Variants in DUSP12 observed in about 807,000 individuals in gnomAD.
DUSP12 encodes the protein dual specificity protein phosphatase 12.
In DUSP12, 25 loss-of-function variants were observed where a neutral mutation model predicts 38.9. The observed-to-expected ratio is 0.64, with a 90% CI of 0.47 to 0.90. The LOEUF (loss-of-function observed/expected upper bound fraction) is 0.90, where lower values mean the gene tolerates loss of function less well. Among genes scored for constraint, DUSP12 ranks in the 40% least tolerant of loss-of-function variants. DUSP12 has a pLI of 0.00. For missense variants in DUSP12, 403 were observed against 427.0 expected (o/e 0.94, Z 0.50); for synonymous variants, 153 against 153.9 (o/e 0.99, Z 0.05).
intron 2 of DUSP12, 41 bp downstream of exon 2, chr1:161,751,822 A>G (rs764552795): frequency 1.9e-6 from 3 of 1,600,934 alleles, no homozygotes; most frequent in African/African-American, 2.7e-5. Flanking sequence ...CTTTTGTGAT[A>G]TAATTTTAAG....
At chr1:161,751,623 T>C (rs769341925) in intron 1 of DUSP12, 45 bp from the exon 2 acceptor site, 2 of 1,566,898 alleles carry the variant, frequency 1.3e-6, no homozygotes, top group East Asian at 2.2e-5. Context: ...TTTTTTTTTT[T>C]AATTGTTGCT....
At chr1:161,756,276 T>C (rs1274003091) in intron 5 of DUSP12, among the ~76,000 whole-genome samples, 1 of 152,098 alleles carries the variant, frequency 6.6e-6, no homozygotes, top group Non-Finnish European at 1.5e-5. Flanking sequence ...CTAACTACAT[T>C]AGAAGAAAAT....
chr1:161,750,192 C>T, intron 1 of DUSP12, 47 bp downstream of exon 1: 2 of 1,572,054 alleles, frequency 1.3e-6, no homozygotes, highest in Non-Finnish European at 1.7e-6. Context: ...AGCTTCCAGC[C>T]GGCCCCCGTC....
At chr1:161,751,565 T>TA in intron 1 of DUSP12, 103 bp from the exon 2 acceptor site, 1 of 1,399,042 alleles carries the variant, frequency 7.1e-7, no homozygotes, top group East Asian at 2.3e-5. Flanking sequence ...GAAGCAAAAA[T>TA]GAAGTGGGCC....
chr1:161,754,817 C>A (rs956235599), intron 5 of DUSP12, among the ~76,000 whole-genome samples: 2 of 152,080 alleles, frequency 1.3e-5, no homozygotes, highest in African/African-American at 4.8e-5. Flanking sequence ...CATCACAATT[C>A]ACATTCCCAC....
intron 1 of DUSP12, chr1:161,751,282 G>C (rs985860316): frequency 3.7e-5 from 6 of 164,198 alleles, no homozygotes; most frequent in African/African-American, 1.4e-4. Context: ...TTTTGTAGAG[G>C]TGGGGTCTCA....
chr1:161,750,325 G>A (rs1005619397), intron 1 of DUSP12, among the ~76,000 whole-genome samples, 180 bp downstream of exon 1: 1 of 152,252 alleles, frequency 6.6e-6, no homozygotes, highest in Non-Finnish European at 1.5e-5. Context: ...CGGGCCCCTG[G>A]TGTGTGCAGG....
chr1:161,753,403 A>G lies in DUSP12; in HGVS notation c.861+142A>G, dbSNP rs1027871943. The G allele has an allele frequency of 4.6e-6, 3 of 658,048 alleles. No homozygotes were observed. The East Asian group carries it at 1.0e-4, about 22-fold the overall frequency. 40.8% of individuals were successfully genotyped at this position (658,048 alleles called of 1,614,324 possible). On this transcript the variant is annotated intron_variant, in intron 5 of 5. Transcript: ENST00000367943. ...TGAAGATTATATCTTTCTAGTGTAG[A>G]TAAGACTATCAAAAATAAAATATTT... is the stretch of plus-strand genomic sequence containing the variant.
intron 1 of DUSP12, chr1:161,751,165 AGC>A (rs1684012882): frequency 6.5e-6 from 1 of 154,282 alleles, no homozygotes. Context: ...ACAGTGTAGT[AGC>A]GTAATTACGG....
rs1684122778 is a variant in DUSP12, at chr1:161,757,122, C to T, written c.*175C>T. 7 of 534,718 alleles carry T rather than the reference C, an allele frequency of 1.3e-5. No individual in the cohort carries two copies. The highest frequency in any genetic ancestry group is 2.2e-5 in the Non-Finnish European group (7 of 311,950). The allele number at this position is 534,718 out of a possible 1,614,324, so 33.1% of individuals were successfully genotyped here. On this transcript the variant is annotated 3_prime_UTR_variant, in exon 6 of 6. Transcript: ENST00000367943. ...TACATGGCAATCAAAGCCTTTTGATCATGTACATTTTATTTGATATTAAAA... is the reference window on the plus strand; with the variant it reads ...TACATGGCAATCAAAGCCTTTTGATTATGTACATTTTATTTGATATTAAAA...
rs762862670 is a variant in DUSP12, at chr1:161,749,818, G to T, written c.17G>T (p.Gly6Val). The change falls in exon 1 of 6, where the codon GGC becomes GTC. Residue 6 changes from glycine to valine, a missense_variant. By Grantham distance (109) the Gly-to-Val change is moderately radical. Transcript: ENST00000367943. Reference protein sequence around the residue: MLEAPGPSDGCELSNP... With the variant: MLEAPVPSDGCELSNP... ...GGCGCGGCCATGTTGGAGGCTCCGG[G>T]CCCGAGTGATGGCTGCGAGCTCAGC... The T allele has an allele frequency of 3.8e-6, 6 of 1,581,994 alleles. No individual in the cohort carries two copies. Among genetic ancestry groups the T allele is most frequent in the African/African-American group, 1.4e-5 (1 of 74,072 alleles).
chr1:161,749,889 G>A lies in DUSP12; in HGVS notation c.88G>A (p.Val30Met). Residue 30 changes from valine (V) to methionine (M), a missense_variant, in exon 1 of 6, where the codon GTG becomes ATG. By Grantham distance (21) the Val-to-Met change is conservative. Coordinates refer to ENST00000367943, the MANE Select transcript of DUSP12 (RefSeq NM_007240.3). ...CAGCTGTGCCGGGCAGATGCTGGAA[G>A]TGCAGCCAGGATTGTATTTCGGTGG... ...RVSCAGQMLE[V>M]QPGLYFGGAA... The A allele has an allele frequency of 6.2e-7, 1 of 1,613,294 alleles. No homozygotes were observed.
chr1:161,750,121 A>G lies in DUSP12; in HGVS notation c.320A>G (p.Glu107Gly). 1 of 1,613,580 alleles carries G rather than the reference A, an allele frequency of 6.2e-7. No individual in the cohort carries two copies. The highest frequency in any genetic ancestry group is 8.5e-7 in the Non-Finnish European group (1 of 1,179,872). The change falls in exon 1 of 6, where the codon GAG (glutamate) becomes GGG (glycine). Residue 107 changes from glutamate (E) to glycine (G), a missense_variant. Physicochemically the swap from Glu to Gly is moderately conservative, Grantham distance 98 (BLOSUM62 -2). Coordinates refer to ENST00000367943, the MANE Select transcript of DUSP12 (RefSeq NM_007240.3). ...GCCTTCATCGGTCAGGCCCGCGCTG[A>G]GGGCCGTGCGGTGTTGGTGCACTGG... ...CVAFIGQARAEGRAVLVHCHA... is the reference protein window; with the variant it reads ...CVAFIGQARAGGRAVLVHCHA...
intron 5 of DUSP12, among the ~76,000 whole-genome samples, chr1:161,754,985 C>T (rs1684087983): frequency 6.6e-6 from 1 of 152,140 alleles, no homozygotes; most frequent in South Asian, 2.1e-4. Flanking sequence ...GATGCGCCAC[C>T]ACGCCTGGCT....
At position 161,751,609 on chromosome 1, in the gene DUSP12, T is replaced by G. The variant is rs771964659; in HGVS notation, c.345-59T>G. 275 of 1,563,944 alleles carry G rather than the reference T, an allele frequency of 1.8e-4. 1 individual carries two copies. The highest frequency in any genetic ancestry group is 2.2e-4 in the African/African-American group (16 of 71,584). On this transcript the variant is annotated intron_variant, in intron 1 of 5. Coordinates refer to ENST00000367943, the MANE Select transcript of DUSP12 (RefSeq NM_007240.3). ...ACTATTAATAGGGGGCTGGGCTTTGTGTGTTTTTTTTTTTAATTGTTGCTA... is the reference window on the plus strand; with the variant it reads ...ACTATTAATAGGGGGCTGGGCTTTGGGTGTTTTTTTTTTTAATTGTTGCTA...
At chr1:161,755,789 T>G (rs1206897366) in intron 5 of DUSP12, among the ~76,000 whole-genome samples, 1 of 152,240 alleles carries the variant, frequency 6.6e-6, no homozygotes, top group Non-Finnish European at 1.5e-5. Context: ...TCAGATTTTT[T>G]ATGTTTTGTC....
At chr1:161,754,906 C>T (rs1280026938) in intron 5 of DUSP12, among the ~76,000 whole-genome samples, 1 of 152,188 alleles carries the variant, frequency 6.6e-6, no homozygotes, top group Non-Finnish European at 1.5e-5. Context: ...TCTTGGCTCA[C>T]CACAACCTCT....
At position 161,749,979 on chromosome 1, in the gene DUSP12, G is replaced by C; in HGVS notation, c.178G>C (p.Asp60His). 2 of 1,614,066 alleles carry C rather than the reference G, an allele frequency of 1.2e-6. No homozygotes were observed. Among genetic ancestry groups the C allele is most frequent in the Non-Finnish European group, 1.7e-6 (2 of 1,179,958 alleles). ...GGGCATCACGGCCGTGCTAACAGTG[G>C]ACTCGGAGGAGCCCAGCTTCAAGGC... ...EAGITAVLTV[D>H]SEEPSFKAGP... The change falls in exon 1 of 6, where the codon GAC becomes CAC. Residue 60 changes from aspartate (D) to histidine (H), a missense_variant. Physicochemically the swap from Asp to His is moderately conservative, Grantham distance 81. Transcript: ENST00000367943.
intron 1 of DUSP12, 199 bp from the exon 2 acceptor site, chr1:161,751,469 A>G (rs1342605306): frequency 1.7e-6 from 1 of 597,210 alleles, no homozygotes; most frequent in South Asian, 3.2e-5. Context: ...AATAGGTAAT[A>G]GATTCACGTG....
Sources: gnomAD v4.1 joint callset for allele counts (sites outside exome capture counted in the v4.1 genomes callset) on GRCh38, gnomAD v4.1.1 for gene constraint, MANE v1.5 for transcripts, NCBI Gene and HGNC (gene_info 2026-07-23, HGNC 2026-07-21) for gene names.